The following ADAMTSL1 variants were observed in gnomAD, a reference collection of about 807,000 sequenced individuals.
The protein encoded by ADAMTSL1 is ADAMTS like 1, also known as ADAMTS-like protein 1.
Under a neutral mutation model 201.8 loss-of-function variants are expected in ADAMTSL1, and 126 were observed. The ratio of observed to expected loss-of-function variants is 0.62; its 90% CI spans 0.54 to 0.72. The LOEUF is 0.72. Among genes scored for constraint, ADAMTSL1 ranks in the 30% least tolerant of loss-of-function variants. The pLI is 0.00. For missense variants in ADAMTSL1, 2,679 were observed against 2,277.8 expected, an observed-to-expected ratio of 1.18 and a Z score of -3.59; for synonymous variants, 1,121 against 903.4, an observed-to-expected ratio of 1.24 and a Z score of -4.32.
At chr9:18,067,382 A>ACTCCTTTTCCTCCAC (rs1822753491) in intron 1 of ADAMTSL1, among the ~76,000 whole-genome samples, 1 of 151,670 alleles carries the variant, frequency 6.6e-6, no homozygotes, top group South Asian at 2.1e-4. Flanking sequence ...ATTAGCAGAT[A>ACTCCTTTTCCTCCAC]CTCCTCTTCC....
intron 15 of ADAMTSL1, among the ~76,000 whole-genome samples, chr9:18,737,451 G>A (rs140303057): frequency 5.8e-4 from 88 of 152,170 alleles, no homozygotes; most frequent in African/African-American, 2.0e-3. Context: ...GAGGCCTTGG[G>A]ATTCCTTCAC....
chr9:18,505,116 C>T (rs1310901410), intron 2 of ADAMTSL1, among the ~76,000 whole-genome samples, 160 bp downstream of exon 2: 2 of 152,182 alleles, frequency 1.3e-5, no homozygotes, highest in Admixed American at 1.3e-4. Flanking sequence ...TGTGTTCTTA[C>T]GTGTTTTTAT....
At chr9:18,141,937 A>G (rs1826414239) in intron 1 of ADAMTSL1, among the ~76,000 whole-genome samples, 1 of 152,208 alleles carries the variant, frequency 6.6e-6, no homozygotes, top group South Asian at 2.1e-4. Context: ...CTGAGACACA[A>G]GGATAGCAGT....
chr9:18,215,106 A>G (rs1160429148), intron 2 of ADAMTSL1, among the ~76,000 whole-genome samples: 1 of 152,220 alleles, frequency 6.6e-6, no homozygotes, highest in African/African-American at 2.4e-5. Context: ...GAATGGTTAA[A>G]TTAAAATATT....
intron 2 of ADAMTSL1, among the ~76,000 whole-genome samples, chr9:18,259,824 C>T (rs976908105): frequency 6.6e-6 from 1 of 152,072 alleles, no homozygotes; most frequent in African/African-American, 2.4e-5. Context: ...TATTCCTATT[C>T]ATGCTGGTTT....
chr9:18,649,951 C>A (rs776788), intron 7 of ADAMTSL1, among the ~76,000 whole-genome samples: 4 of 151,900 alleles, frequency 2.6e-5, no homozygotes, highest in African/African-American at 9.7e-5. Context: ...AGTCTGCAGA[C>A]GTTACTGCTG....
chr9:17,961,302 G>A (rs1485885051), intron 1 of ADAMTSL1, among the ~76,000 whole-genome samples: 2 of 152,090 alleles, frequency 1.3e-5, no homozygotes, highest in Admixed American at 6.6e-5. Flanking sequence ...AGGCTGGAGT[G>A]TAATGACGCA....
At chr9:18,092,281 A>G (rs1370332457) in intron 1 of ADAMTSL1, among the ~76,000 whole-genome samples, 1 of 152,192 alleles carries the variant, frequency 6.6e-6, no homozygotes, top group Non-Finnish European at 1.5e-5. Context: ...CAAGGCTGTG[A>G]GAGCACAGGA....
At chr9:18,628,935 C>T (rs191378364) in intron 5 of ADAMTSL1, among the ~76,000 whole-genome samples, 3 of 152,326 alleles carry the variant, frequency 2.0e-5, no homozygotes, top group Non-Finnish European at 2.9e-5. Context: ...GTAATCATAG[C>T]ACACTACAGA....
intron 1 of ADAMTSL1, among the ~76,000 whole-genome samples, chr9:18,070,692 A>C (rs981081636): frequency 1.3e-5 from 2 of 152,186 alleles, no homozygotes; most frequent in African/African-American, 4.8e-5. Flanking sequence ...CCTTGGGAGA[A>C]GGAGTCTTAT....
chr9:18,736,605 C>T (rs962942565), intron 15 of ADAMTSL1, among the ~76,000 whole-genome samples: 10 of 152,200 alleles, frequency 6.6e-5, no homozygotes, highest in African/African-American at 2.2e-4. Flanking sequence ...CAGGGTAGCT[C>T]TGCATGACAA....
chr9:18,291,330 T>C (rs1833253310), intron 2 of ADAMTSL1, among the ~76,000 whole-genome samples: 1 of 152,150 alleles, frequency 6.6e-6, no homozygotes, highest in Admixed American at 6.6e-5. Flanking sequence ...TTCAATAATA[T>C]CAGATGGTTC....
At chr9:18,228,453 C>T (rs1325498299) in intron 2 of ADAMTSL1, among the ~76,000 whole-genome samples, 25 of 152,092 alleles carry the variant, frequency 1.6e-4, no homozygotes, top group Admixed American at 1.6e-3. Context: ...CAGGGTTTTG[C>T]TTTGTTGCCT....
At chr9:18,410,016 C>A (rs1276105476) in intron 2 of ADAMTSL1, among the ~76,000 whole-genome samples, 1 of 151,404 alleles carries the variant, frequency 6.6e-6, no homozygotes, top group South Asian at 2.1e-4. Context: ...AAATGAAATA[C>A]TTTTAATATT....
intron 15 of ADAMTSL1, among the ~76,000 whole-genome samples, chr9:18,745,971 A>G (rs1819117300): frequency 6.6e-6 from 1 of 152,160 alleles, no homozygotes; most frequent in Admixed American, 6.5e-5. Flanking sequence ...TTCAGTCCCT[A>G]CAAAGTGGAA....
At chr9:18,721,473 TTCA>T in intron 14 of ADAMTSL1, 60 bp from the exon 15 acceptor site, 10 of 1,589,362 alleles carry the variant, frequency 6.3e-6, no homozygotes, top group Non-Finnish European at 8.6e-6. Context: ...TTGTCTACAC[TTCA>T]TCACCCCCCA....
At chr9:18,688,515 A>G (rs1342432686) in intron 13 of ADAMTSL1, among the ~76,000 whole-genome samples, 1 of 150,026 alleles carries the variant, frequency 6.7e-6, no homozygotes, top group East Asian at 2.0e-4. Context: ...AAAACTCAGA[A>G]AACTTAGCCA....
intron 2 of ADAMTSL1, among the ~76,000 whole-genome samples, chr9:18,288,160 C>T (rs1833096974): frequency 6.6e-6 from 1 of 152,056 alleles, no homozygotes; most frequent in Non-Finnish European, 1.5e-5. Context: ...CCTTATATCA[C>T]ATTCAGTCGA....
chr9:18,904,497 T>C (rs2131616852), intron 26 of ADAMTSL1, among the ~76,000 whole-genome samples: 1 of 151,276 alleles, frequency 6.6e-6, no homozygotes, highest in East Asian at 1.9e-4. Context: ...TTTTTAAAAA[T>C]ACGGTTAAAG....
Sources: gnomAD v4.1 joint callset for allele counts (sites outside exome capture counted in the v4.1 genomes callset) on GRCh38, gnomAD v4.1.1 for gene constraint, MANE v1.5 for transcripts, NCBI Gene and HGNC (gene_info 2026-07-23, HGNC 2026-07-21) for gene names.